Variants in SFMBT2 observed in about 807,000 individuals in gnomAD.
SFMBT2 encodes scm-like with four MBT domains protein 2.
Under a neutral mutation model 110.1 loss-of-function variants are expected in SFMBT2, and 38 were observed. The observed-to-expected ratio is 0.35, with a 90% CI of 0.27 to 0.45. The LOEUF is 0.45. SFMBT2 is among the 20% of genes least tolerant of loss of function. SFMBT2 has a pLI of 1.00. For missense variants in SFMBT2, 1,011 were observed against 1,094.9 expected (o/e 0.92, Z 1.08); for synonymous variants, 425 against 425.4 (o/e 1.00, Z 0.01).
chr10:7,409,560 T>G (rs1425446696), intron 1 of SFMBT2, among the ~76,000 whole-genome samples: 1 of 151,952 alleles, frequency 6.6e-6, no homozygotes, highest in Non-Finnish European at 1.5e-5. Flanking sequence ...ACAGTTGCGT[T>G]TCGGTGCCCT....
intron 20 of SFMBT2, among the ~76,000 whole-genome samples, chr10:7,166,705 G>T (rs900629411): frequency 6.6e-6 from 1 of 152,114 alleles, no homozygotes; most frequent in African/African-American, 2.4e-5. Flanking sequence ...GTCTTATAGG[G>T]GTGCTGAAAG....
chr10:7,258,070 G>A (rs544408555), intron 7 of SFMBT2, among the ~76,000 whole-genome samples: 12 of 152,240 alleles, frequency 7.9e-5, no homozygotes, highest in African/African-American at 2.2e-4. Context: ...TAGCTGGGAC[G>A]ACAGGTGTGC....
At chr10:7,249,638 A>T (rs1323416955) in intron 7 of SFMBT2, 3 of 735,928 alleles carry the variant, frequency 4.1e-6, no homozygotes, top group Non-Finnish European at 5.0e-6. Flanking sequence ...CAACGACGCC[A>T]CTCTATATCC....
chr10:7,394,213 A>C (rs1300199301), intron 1 of SFMBT2, among the ~76,000 whole-genome samples: 1 of 152,104 alleles, frequency 6.6e-6, no homozygotes, highest in African/African-American at 2.4e-5. Flanking sequence ...TCGTGGGCTC[A>C]AGCAATCCAC....
chr10:7,190,068 G>T (rs74117224), intron 15 of SFMBT2, among the ~76,000 whole-genome samples: 1 of 152,150 alleles, frequency 6.6e-6, no homozygotes, highest in African/African-American at 2.4e-5. Flanking sequence ...CGGTCAGCCC[G>T]GCGACGGCCT....
intron 4 of SFMBT2, among the ~76,000 whole-genome samples, chr10:7,316,435 C>T (rs1250291888): frequency 1.3e-5 from 2 of 152,154 alleles, no homozygotes; most frequent in African/African-American, 2.4e-5. Context: ...GCCAATGGGT[C>T]AGTGATGGGC....
intron 4 of SFMBT2, among the ~76,000 whole-genome samples, chr10:7,332,689 A>G (rs934389645): frequency 2.6e-5 from 4 of 152,204 alleles, no homozygotes; most frequent in African/African-American, 9.7e-5. Flanking sequence ...ACTAAAACCT[A>G]AATATTTCCA....
At chr10:7,380,388 G>A (rs1317266130) in intron 2 of SFMBT2, among the ~76,000 whole-genome samples, 2 of 152,126 alleles carry the variant, frequency 1.3e-5, no homozygotes, top group African/African-American at 2.4e-5. Context: ...CTCATGTGAG[G>A]GTTTTCCAGG....
chr10:7,280,187 C>T (rs1171219871), intron 6 of SFMBT2, among the ~76,000 whole-genome samples: 1 of 152,170 alleles, frequency 6.6e-6, no homozygotes, highest in African/African-American at 2.4e-5. Flanking sequence ...GCACCCTGAT[C>T]TCACACTTCC....
intron 1 of SFMBT2, among the ~76,000 whole-genome samples, chr10:7,405,657 T>C (rs1846190258): frequency 6.6e-6 from 1 of 152,120 alleles, no homozygotes. Flanking sequence ...ATGTACTGAA[T>C]CACAGATGTA....
intron 2 of SFMBT2, among the ~76,000 whole-genome samples, chr10:7,378,205 T>G (rs1845311039): frequency 1.2e-4 from 2 of 17,254 alleles, no homozygotes; most frequent in African/African-American, 4.0e-4. Flanking sequence ...TGGGTGTATG[T>G]GTGGATGTGT....
chr10:7,362,772 CAGGCATACACCGT>C, intron 4 of SFMBT2, among the ~76,000 whole-genome samples: 1 of 152,354 alleles, frequency 6.6e-6, no homozygotes, highest in South Asian at 2.1e-4. Flanking sequence ...AAATTCTACC[CAGGCATACACCGT>C]AACTTGCTGA....
rs1318749686 is a variant in SFMBT2 at position 7,338,889 on chromosome 10, G to GGTAAT, written c.436+28755_436+28759dup. Among the ~76,000 whole-genome samples the GGTAAT allele has an allele frequency of 5.9e-5, 9 of 152,076 alleles. No individual in the cohort carries two copies. The East Asian group carries it at 9.7e-4, about 16-fold the overall frequency. On this transcript the variant is annotated intron_variant, in intron 4 of 20. Coordinates refer to ENST00000397167, the MANE Select transcript of SFMBT2 (RefSeq NM_001387889.1). ...ATGTTACAACCAACAGGCTCTTCAG[G>GGTAAT]GTAATGTCTGCTGTTCAGGTACAGG...
chr10:7,287,746 C>T (rs747913730), intron 4 of SFMBT2, among the ~76,000 whole-genome samples: 6 of 152,194 alleles, frequency 3.9e-5, no homozygotes, highest in Non-Finnish European at 7.3e-5. Flanking sequence ...GCAACCCTTC[C>T]GGCTCAAACC....
rs369329986 is a variant in SFMBT2 at position 7,256,667 on chromosome 10, C to A, written c.871-8018G>T. On this transcript the variant is annotated intron_variant, in intron 7 of 20. Transcript: ENST00000397167. ...TCCTCCATCGATACCGACTTCCATGCGATGTTATCGATGTTAACCAAGACA... is the reference window on the plus strand; with the variant it reads ...TCCTCCATCGATACCGACTTCCATGAGATGTTATCGATGTTAACCAAGACA... Among the ~76,000 whole-genome samples the A allele has an allele frequency of 2.8e-4, 43 of 152,250 alleles. 1 individual carries two copies. The South Asian group carries it at 5.6e-3, about 20-fold the overall frequency.
At chr10:7,188,224 GC>G (rs1838481817) in intron 16 of SFMBT2, among the ~76,000 whole-genome samples, 1 of 152,210 alleles carries the variant, frequency 6.6e-6, no homozygotes, top group Non-Finnish European at 1.5e-5. Flanking sequence ...AGAAAAGAGA[GC>G]ATTTGCATTT....
intron 4 of SFMBT2, among the ~76,000 whole-genome samples, chr10:7,355,275 T>C (rs1844468400): frequency 6.6e-6 from 1 of 152,152 alleles, no homozygotes; most frequent in African/African-American, 2.4e-5. Context: ...AAATTAAAAT[T>C]AGTGAATATC....
At chr10:7,405,357 T>G (rs1846183790) in intron 1 of SFMBT2, among the ~76,000 whole-genome samples, 1 of 152,238 alleles carries the variant, frequency 6.6e-6, no homozygotes, top group Admixed American at 6.5e-5. Context: ...AAAGGCACAC[T>G]GCTCTAACCC....
chr10:7,207,686 C>G (rs927940453), intron 11 of SFMBT2: 1 of 867,286 alleles, frequency 1.2e-6, no homozygotes, highest in Non-Finnish European at 1.4e-6. Context: ...ATGCCAACAA[C>G]CAAACACAAA....
Sources: gnomAD v4.1 joint callset for allele counts (sites outside exome capture counted in the v4.1 genomes callset) on GRCh38, gnomAD v4.1.1 for gene constraint, MANE v1.5 for transcripts, NCBI Gene and HGNC (gene_info 2026-07-23, HGNC 2026-07-21) for gene names.